Variants in DCDC1 observed in about 807,000 individuals in gnomAD.
The protein encoded by DCDC1 is doublecortin domain-containing protein 1.
In DCDC1, 200 loss-of-function variants were observed where a neutral mutation model predicts 178.3. That is an observed-to-expected ratio of 1.12 (90% CI 1.00 to 1.26). The LOEUF is 1.26. Among genes scored for constraint, DCDC1 ranks in the 50% most tolerant of loss-of-function variants. The pLI is 0.00. For synonymous variants in DCDC1, 690 were observed against 604.8 expected (o/e 1.14, Z -2.07); for missense variants, 1,983 against 1,749.2 (o/e 1.13, Z -2.38).
chr11:31,354,340 G>C (rs1349993776), intron 1 of DCDC1, among the ~76,000 whole-genome samples: 1 of 152,144 alleles, frequency 6.6e-6, no homozygotes, highest in Non-Finnish European at 1.5e-5. Context: ...TGTCAACACA[G>C]AATAGGTCAC....
intron 7 of DCDC1, among the ~76,000 whole-genome samples, chr11:31,267,448 TC>T (rs1945246607): frequency 6.6e-6 from 1 of 152,190 alleles, no homozygotes; most frequent in Admixed American, 6.5e-5. Context: ...TGCCTCAGCC[TC>T]CCAAATTGCT....
At chr11:30,931,662 T>C in intron 22 of DCDC1, 109 bp downstream of exon 22, 3 of 1,169,330 alleles carry the variant, frequency 2.6e-6, no homozygotes, top group East Asian at 2.7e-5. Flanking sequence ...ATGGGAGCCC[T>C]TTTGCTAAAT....
At position 30,905,012 on chromosome 11, in the gene DCDC1, A is replaced by G. The variant is rs1944957290; in HGVS notation, c.4257T>C (p.Asn1419=). Residue 1419 remains asparagine, a synonymous_variant, in exon 31 of 39, where the codon AAT becomes AAC. Transcript: ENST00000684477. The part of the protein sequence containing the change: ...QKAVKIIAYK[N]GDGYRNGKLI... ...ACTTCCCATTACGATACCCATCCCC[A>G]TTTTTGTATGCAATTATTTTCACTG... The G allele has an allele frequency of 6.2e-7, 1 of 1,613,758 alleles. No homozygotes were observed. Among genetic ancestry groups the G allele is most frequent in the African/African-American group, 1.3e-5 (1 of 74,994 alleles).
chr11:31,025,356 T>C (rs1291581340), intron 20 of DCDC1, among the ~76,000 whole-genome samples: 1 of 151,836 alleles, frequency 6.6e-6, no homozygotes, highest in African/African-American at 2.4e-5. Context: ...AACTTTTTTC[T>C]ATATGAAAAC....
chr11:31,234,547 G>A (rs1976219334), intron 9 of DCDC1, among the ~76,000 whole-genome samples: 1 of 152,150 alleles, frequency 6.6e-6, no homozygotes, highest in African/African-American at 2.4e-5. Flanking sequence ...TGACAACACT[G>A]ATCCATTTGA....
intron 9 of DCDC1, among the ~76,000 whole-genome samples, chr11:31,149,414 A>G (rs1179458718): frequency 6.6e-6 from 1 of 152,054 alleles, no homozygotes; most frequent in Non-Finnish European, 1.5e-5. Context: ...TGTAAAATGG[A>G]CCAATCAGCA....
chr11:30,990,393 G>A (rs538420746), intron 20 of DCDC1, among the ~76,000 whole-genome samples: 26 of 152,260 alleles, frequency 1.7e-4, no homozygotes, highest in Middle Eastern at 3.4e-3. Flanking sequence ...GGGATGCACC[G>A]GAAGATGCTC....
chr11:31,193,642 G>C (rs983056257), intron 9 of DCDC1, among the ~76,000 whole-genome samples: 8 of 151,926 alleles, frequency 5.3e-5, no homozygotes, highest in African/African-American at 1.9e-4. Flanking sequence ...AAAATAATAG[G>C]TGGCACACAA....
chr11:31,218,506 G>A (rs886588432), intron 9 of DCDC1, among the ~76,000 whole-genome samples: 1 of 152,026 alleles, frequency 6.6e-6, no homozygotes, highest in Non-Finnish European at 1.5e-5. Flanking sequence ...ATGCTGCCTT[G>A]ATTTTTATTT....
intron 9 of DCDC1, among the ~76,000 whole-genome samples, chr11:31,157,740 A>T (rs1442010034): frequency 2.6e-5 from 4 of 152,156 alleles, no homozygotes; most frequent in Non-Finnish European, 5.9e-5. Flanking sequence ...GGAAAGATGA[A>T]AAATGTCTAG....
chr11:31,141,974 T>C (rs1315104572), intron 9 of DCDC1, among the ~76,000 whole-genome samples: 1 of 152,204 alleles, frequency 6.6e-6, no homozygotes, highest in Non-Finnish European at 1.5e-5. Flanking sequence ...TGTGTTATTG[T>C]AGAGCTGAAG....
intron 21 of DCDC1, chr11:30,944,217 A>T: frequency 2.3e-6 from 1 of 429,686 alleles, no homozygotes; most frequent in South Asian, 1.7e-5. Flanking sequence ...TCCTTTATTC[A>T]TCAACTCTGT....
intron 18 of DCDC1, among the ~76,000 whole-genome samples, chr11:31,069,189 A>AATTT (rs1956419846): frequency 6.6e-6 from 1 of 152,124 alleles, no homozygotes; most frequent in South Asian, 2.1e-4. Flanking sequence ...TTTATCGCAT[A>AATTT]TTATAAAAAT....
chr11:31,256,564 G>A (rs1300849387), intron 8 of DCDC1, among the ~76,000 whole-genome samples: 1 of 152,186 alleles, frequency 6.6e-6, no homozygotes, highest in Non-Finnish European at 1.5e-5. Context: ...CTTTCACTGA[G>A]TGGCGTCATG....
At position 31,110,302 on chromosome 11, in the gene DCDC1, C is replaced by A. The variant is rs1399606515; in HGVS notation, c.1545G>T (p.Leu515Phe). ...CAGTTTGAATTGGGCTATCCGATCC[C>A]AAATCTTTTTTACTGATACCAACAG... ...EISVGISKKD[L>F]GSDSPIQTDH... The change falls in exon 12 of 39, where the codon TTG becomes TTT. Residue 515 changes from leucine (L) to phenylalanine (F), a missense_variant. By Grantham distance (22) the Leu-to-Phe change is conservative. Coordinates refer to ENST00000684477, the MANE Select transcript of DCDC1 (RefSeq NM_001387274.1). The A allele has an allele frequency of 1.4e-6, 1 of 713,860 alleles. No individual in the cohort carries two copies. Among genetic ancestry groups the A allele is most frequent in the Non-Finnish European group, 2.6e-6 (1 of 389,002 alleles). 44.2% of individuals were successfully genotyped at this position (713,860 alleles called of 1,614,324 possible). A position where few individuals can be genotyped will look rare whatever the true frequency, so the allele number is the denominator to read the frequency against.
chr11:31,017,717 CT>C (rs761840981), intron 20 of DCDC1, among the ~76,000 whole-genome samples: 1 of 152,056 alleles, frequency 6.6e-6, no homozygotes, highest in African/African-American at 2.4e-5. Context: ...GTAGCTGGCA[CT>C]ACAGGCACAC....
intron 9 of DCDC1, among the ~76,000 whole-genome samples, chr11:31,214,070 T>A (rs1214864586): frequency 2.0e-5 from 3 of 152,074 alleles, no homozygotes; most frequent in Non-Finnish European, 4.4e-5. Flanking sequence ...ATAGGATAAT[T>A]GCTACATTTA....
At chr11:31,116,874 A>AT (rs895246583) in intron 11 of DCDC1, among the ~76,000 whole-genome samples, 27 of 151,554 alleles carry the variant, frequency 1.8e-4, no homozygotes, top group South Asian at 6.2e-4. Context: ...CCAACAATCA[A>AT]TTTTTTTTTA....
At chr11:31,238,401 T>C (rs889712656) in intron 9 of DCDC1, among the ~76,000 whole-genome samples, 1 of 152,114 alleles carries the variant, frequency 6.6e-6, no homozygotes, top group African/African-American at 2.4e-5. Context: ...ACTAATATCA[T>C]TTTAAAAGGT....
Sources: allele counts gnomAD v4.1 joint callset (sites outside exome capture counted in the v4.1 genomes callset), GRCh38; gene constraint gnomAD v4.1.1; transcripts MANE v1.5; gene names NCBI Gene and HGNC (gene_info 2026-07-23, HGNC 2026-07-21).